The following GADL1 variants were observed in gnomAD, a reference collection of about 807,000 sequenced individuals.
GADL1 encodes GAD like acidic amino acid decarboxylase 1, also known as acidic amino acid decarboxylase GADL1.
A neutral mutation model predicts 69.5 loss-of-function variants in GADL1; 71 were observed. That is an observed-to-expected ratio of 1.02 (90% CI 0.84 to 1.25). The LOEUF (loss-of-function observed/expected upper bound fraction) is 1.25, where lower values mean the gene tolerates loss of function less well. Ranked by LOEUF, GADL1 falls within the 50% of genes most tolerant of loss-of-function variation. GADL1 has a pLI of 0.00. For missense variants in GADL1, 737 were observed against 631.8 expected (o/e 1.17, Z -1.79); for synonymous variants, 254 against 214.4 (o/e 1.18, Z -1.62).
intron 14 of GADL1, among the ~76,000 whole-genome samples, chr3:30,761,671 AAGG>A (rs1696137676): frequency 6.6e-6 from 1 of 150,546 alleles, no homozygotes; most frequent in South Asian, 2.1e-4. Flanking sequence ...CTTTTTAAAA[AAGG>A]AATGAGATTT....
At chr3:30,867,938 G>C (rs981782425) in intron 1 of GADL1, among the ~76,000 whole-genome samples, 1 of 152,026 alleles carries the variant, frequency 6.6e-6, no homozygotes, top group African/African-American at 2.4e-5. Context: ...TGAGGTGTCA[G>C]GGAAGATTTC....
chr3:30,878,876 T>C (rs1185632631), intron 1 of GADL1, among the ~76,000 whole-genome samples: 3 of 151,946 alleles, frequency 2.0e-5, no homozygotes, highest in Non-Finnish European at 4.4e-5. Flanking sequence ...TTTTATTTAG[T>C]CCAATCTGGT....
chr3:30,731,459 A>G (rs556706437), intron 14 of GADL1, among the ~76,000 whole-genome samples: 1 of 152,352 alleles, frequency 6.6e-6, no homozygotes, highest in Admixed American at 6.5e-5. Context: ...AATTATCAAA[A>G]TGAATCTGTC....
At chr3:30,817,046 G>A (rs139894406) in intron 11 of GADL1, among the ~76,000 whole-genome samples, 1 of 152,050 alleles carries the variant, frequency 6.6e-6, no homozygotes, top group Non-Finnish European at 1.5e-5. Context: ...GACCTAAAAT[G>A]AACCGTAGAC....
chr3:30,765,614 G>A (rs573915366), intron 14 of GADL1, among the ~76,000 whole-genome samples: 1 of 152,248 alleles, frequency 6.6e-6, no homozygotes, highest in East Asian at 1.9e-4. Context: ...GGGCATGCTT[G>A]GTTTAATGCT....
chr3:30,825,664 C>T (rs1333159859), intron 11 of GADL1, among the ~76,000 whole-genome samples: 3 of 53,624 alleles, frequency 5.6e-5, no homozygotes, highest in African/African-American at 8.0e-5. Flanking sequence ...CCTTAACTTG[C>T]ACAGGAACAG....
intron 14 of GADL1, among the ~76,000 whole-genome samples, chr3:30,730,862 T>G (rs1288188303): frequency 1.3e-5 from 2 of 152,206 alleles, no homozygotes. Flanking sequence ...AGCATGTGTG[T>G]GTGTGTGTGC....
chr3:30,767,316 A>G (rs989232665), intron 14 of GADL1, among the ~76,000 whole-genome samples: 1 of 152,192 alleles, frequency 6.6e-6, no homozygotes, highest in Non-Finnish European at 1.5e-5. Context: ...ATATTAAAGA[A>G]TGCTATTTTA....
At chr3:30,786,003 A>G (rs1452255982) in intron 13 of GADL1, among the ~76,000 whole-genome samples, 1 of 152,164 alleles carries the variant, frequency 6.6e-6, no homozygotes, top group Admixed American at 6.6e-5. Context: ...CTGTACATTC[A>G]CTTAATTGAT....
intron 14 of GADL1, among the ~76,000 whole-genome samples, chr3:30,743,645 C>CT (rs2125474122): frequency 6.6e-6 from 1 of 152,326 alleles, no homozygotes; most frequent in South Asian, 2.1e-4. Flanking sequence ...ACAACACACT[C>CT]TGATTCCCTG....
chr3:30,752,086 T>C (rs908397740), intron 14 of GADL1, among the ~76,000 whole-genome samples: 1 of 150,330 alleles, frequency 6.7e-6, no homozygotes, highest in Non-Finnish European at 1.5e-5. Context: ...TTCGTTAAAG[T>C]ACTGCTGTGG....
rs201800067 is a variant in GADL1 at position 30,863,942 on chromosome 3, A to ATT, written c.38-2178_38-2177insAA. ...AGGAAGATCCCCCAGTTGGGGAAAG[A>ATT]TGGAATCTGCAGCAAAGGATCAATC... On this transcript the variant is annotated intron_variant, in intron 1 of 14. Transcript: ENST00000282538. Among the ~76,000 whole-genome samples the ATT allele has an allele frequency of 2.6e-5, 4 of 152,080 alleles. No homozygotes were observed. The East Asian group carries it at 7.7e-4, about 29-fold the overall frequency.
intron 11 of GADL1, among the ~76,000 whole-genome samples, chr3:30,805,767 G>C (rs1559505039): frequency 1.0e-5 from 1 of 99,796 alleles, no homozygotes; most frequent in Non-Finnish European, 1.7e-5. Context: ...TTGGGCACCA[G>C]GGACCAGTGC....
chr3:30,762,155 A>C (rs1306216201), intron 14 of GADL1, among the ~76,000 whole-genome samples: 1 of 152,150 alleles, frequency 6.6e-6, no homozygotes, highest in African/African-American at 2.4e-5. Context: ...GTGGAATTTG[A>C]AGGAGTCAAT....
At chr3:30,768,158 T>TG in intron 14 of GADL1, among the ~76,000 whole-genome samples, 1 of 151,738 alleles carries the variant, frequency 6.6e-6, no homozygotes, top group Admixed American at 6.6e-5. Flanking sequence ...ACAAAGCTAA[T>TG]CAGGCTCAAA....
At chr3:30,828,172 T>A (rs1697714683) in intron 11 of GADL1, among the ~76,000 whole-genome samples, 2 of 151,884 alleles carry the variant, frequency 1.3e-5, no homozygotes, top group African/African-American at 4.8e-5. Context: ...TTTCTCTGAT[T>A]TAAAAGAAAA....
chr3:30,751,823 T>C (rs1408966085), intron 14 of GADL1, among the ~76,000 whole-genome samples: 3 of 150,262 alleles, frequency 2.0e-5, no homozygotes, highest in African/African-American at 7.3e-5. Context: ...TGGAAAGCTT[T>C]TTTTGTCTCT....
At position 30,781,691 on chromosome 3, in the gene GADL1, TTC is replaced by T. The variant is rs200219817; in HGVS notation, c.1303-3425_1303-3424del. ...AGATCTTTGGGATGAGTATCAAACT[TTC>T]TGTTTCTGCTTCCTAAACTATAAAA... On this transcript the variant is annotated intron_variant, in intron 13 of 14. Transcript: ENST00000282538. Among the ~76,000 whole-genome samples, 582 of 152,334 alleles carry T rather than the reference TTC, an allele frequency of 3.8e-3. 5 individuals carry two copies. The highest frequency in any genetic ancestry group is 0.029 in the South Asian group (138 of 4,826).
In GADL1 at chr3:30,785,379, TTTC is replaced by T. The variant is rs1424894422; in HGVS notation, c.1302+973_1302+975del. ...AAATACCAAAAAAGCTAGATTTCTT[TTTC>T]TTTTTTTTTTTTTCCCCCCGAGACA... On this transcript the variant is annotated intron_variant, in intron 13 of 14. Coordinates refer to ENST00000282538, the MANE Select transcript of GADL1 (RefSeq NM_207359.3). Among the ~76,000 whole-genome samples the T allele has an allele frequency of 4.1e-5, 5 of 122,196 alleles. No homozygotes were observed. The East Asian group carries it at 8.8e-4, about 22-fold the overall frequency. The allele number at this position is 122,196 out of a possible 152,430, so 80.2% of individuals were successfully genotyped here. A position where few individuals can be genotyped will look rare whatever the true frequency, so the allele number is the denominator to read the frequency against.
Sources: allele counts gnomAD v4.1 joint callset (sites outside exome capture counted in the v4.1 genomes callset), GRCh38; gene constraint gnomAD v4.1.1; transcripts MANE v1.5; gene names NCBI Gene and HGNC (gene_info 2026-07-23, HGNC 2026-07-21).